The following SRBD1 variants were observed in gnomAD, a reference collection of about 807,000 sequenced individuals.
SRBD1 encodes S1 RNA binding domain 1.
Under a neutral mutation model 115.3 loss-of-function variants are expected in SRBD1, and 88 were observed. That is an observed-to-expected ratio of 0.76 (90% CI 0.64 to 0.91). The LOEUF is 0.91. Among genes scored for constraint, SRBD1 ranks in the 40% least tolerant of loss-of-function variants. The probability of loss-of-function intolerance (pLI) is 0.00; values close to 1 mark genes in which losing one functional copy is unlikely to be tolerated. For synonymous variants in SRBD1, 509 were observed against 407.7 expected, an observed-to-expected ratio of 1.25 and a Z score of -2.99; for missense variants, 1,385 against 1,177.4, an observed-to-expected ratio of 1.18 and a Z score of -2.58.
At chr2:45,596,334 A>G (rs1465686484) in intron 4 of SRBD1, among the ~76,000 whole-genome samples, 1 of 152,158 alleles carries the variant, frequency 6.6e-6, no homozygotes, top group Non-Finnish European at 1.5e-5. Context: ...TTTAGCTGCT[A>G]TTTTAGTGAC....
At chr2:45,494,077 A>G in intron 14 of SRBD1, among the ~76,000 whole-genome samples, 1 of 111,716 alleles carries the variant, frequency 9.0e-6, no homozygotes, top group East Asian at 2.3e-4. Flanking sequence ...AACAAAGTGG[A>G]AAAAAATGCC....
At chr2:45,546,007 TG>T (rs1237963027) in intron 14 of SRBD1, 1 of 288,396 alleles carries the variant, frequency 3.5e-6, no homozygotes, top group Non-Finnish European at 5.2e-6. Context: ...AGATAGCTCT[TG>T]ATCACTTTCT....
At chr2:45,610,218 T>A (rs1013982785) in intron 1 of SRBD1, among the ~76,000 whole-genome samples, 1 of 152,110 alleles carries the variant, frequency 6.6e-6, no homozygotes, top group Non-Finnish European at 1.5e-5. Flanking sequence ...CTAGGACGAC[T>A]GCAAATCAGG....
intron 5 of SRBD1, 87 bp downstream of exon 5, chr2:45,585,521 T>C: frequency 7.1e-7 from 1 of 1,404,528 alleles, no homozygotes; most frequent in Middle Eastern, 1.8e-4. Flanking sequence ...ATGTTGAAAT[T>C]GTCAAATATA....
chr2:45,410,036 T>C (rs970500947), intron 19 of SRBD1, among the ~76,000 whole-genome samples: 3 of 152,152 alleles, frequency 2.0e-5, no homozygotes, highest in African/African-American at 7.2e-5. Context: ...CAGAATATAT[T>C]AAAACCCCCA....
intron 16 of SRBD1, among the ~76,000 whole-genome samples, chr2:45,434,370 G>A (rs1235024938): frequency 6.6e-6 from 1 of 152,134 alleles, no homozygotes; most frequent in Non-Finnish European, 1.5e-5. Flanking sequence ...AAGACACTGT[G>A]TAACCCCTGG....
intron 16 of SRBD1, among the ~76,000 whole-genome samples, chr2:45,439,379 A>ATG (rs567313199): frequency 1.4e-5 from 2 of 147,734 alleles, no homozygotes; most frequent in Admixed American, 6.8e-5. Flanking sequence ...ATATATATAT[A>ATG]AAACAATTGA....
In SRBD1 at chr2:45,448,069, GTCC is replaced by G. The variant is rs543401982; in HGVS notation, c.2050-28178_2050-28176del. 9.9e-5 allele frequency: 15 copies of G among 152,266 alleles called. No homozygotes were observed. The East Asian group carries it at 2.9e-3, about 29-fold the overall frequency. The allele number at this position is 152,266 out of a possible 1,614,324, so 9.4% of individuals were successfully genotyped here. ...AAACAGGAAAAGCAATTGTTACTGA[GTCC>G]TCTCTTCAATAAGATAAGATTATTA... is the stretch of plus-strand genomic sequence containing the variant. On this transcript the variant is annotated intron_variant, in intron 16 of 20. Coordinates refer to ENST00000263736, the MANE Select transcript of SRBD1 (RefSeq NM_018079.5).
intron 16 of SRBD1, among the ~76,000 whole-genome samples, chr2:45,442,318 T>C (rs1284394796): frequency 1.3e-5 from 2 of 152,200 alleles, no homozygotes; most frequent in East Asian, 3.8e-4. Context: ...ACACATACCT[T>C]GATGCAATTA....
chr2:45,397,662 G>A (rs1667184502), intron 19 of SRBD1, among the ~76,000 whole-genome samples: 1 of 152,182 alleles, frequency 6.6e-6, no homozygotes, highest in South Asian at 2.1e-4. Context: ...CTGTAGCAGT[G>A]GTGCAATCAC....
At chr2:45,440,520 T>A (rs756233134) in intron 16 of SRBD1, among the ~76,000 whole-genome samples, 1 of 152,308 alleles carries the variant, frequency 6.6e-6, no homozygotes, top group South Asian at 2.1e-4. Context: ...TCTGCCCCCA[T>A]GTGTGGTCAC....
chr2:45,542,730 T>G (rs1294625133), intron 14 of SRBD1, among the ~76,000 whole-genome samples: 1 of 152,200 alleles, frequency 6.6e-6, no homozygotes, highest in African/African-American at 2.4e-5. Context: ...ACAGCATATA[T>G]CCATACAGAC....
intron 16 of SRBD1, among the ~76,000 whole-genome samples, chr2:45,460,414 AACC>A (rs1669277878): frequency 6.6e-6 from 1 of 152,152 alleles, no homozygotes; most frequent in African/African-American, 2.4e-5. Flanking sequence ...CTAGGGAACA[AACC>A]ACCTCTTCAA....
intron 10 of SRBD1, among the ~76,000 whole-genome samples, chr2:45,556,582 C>A (rs1299103588): frequency 6.6e-6 from 1 of 150,802 alleles, no homozygotes; most frequent in Non-Finnish European, 1.5e-5. Context: ...CCTGCCTCAG[C>A]CTCCCGAGTA....
At position 45,419,808 on chromosome 2, in the gene SRBD1, G is replaced by C. The variant is rs758102792; in HGVS notation, c.2136C>G (p.Ile712Met). Residue 712 changes from isoleucine to methionine, a missense_variant, in exon 17 of 21, where the codon ATC becomes ATG. By Grantham distance (10) the Ile-to-Met change is conservative (BLOSUM62 1). Transcript: ENST00000263736. ...CTCACCTTAACAAAACTTCTGAACA[G>C]ATGTTAATATCCACTCCCACAAAGC... ...CVSFVGVDIN[I>M]CSEVLLRHIA... is the part of the protein sequence containing the mutation. 7 of 1,613,738 alleles carry C rather than the reference G, an allele frequency of 4.3e-6. No homozygotes were observed. Among genetic ancestry groups the C allele is most frequent in the Non-Finnish European group, 5.1e-6 (6 of 1,179,798 alleles).
At chr2:45,560,179 G>A (rs1198260853) in intron 10 of SRBD1, among the ~76,000 whole-genome samples, 2 of 152,008 alleles carry the variant, frequency 1.3e-5, no homozygotes, top group African/African-American at 4.8e-5. Flanking sequence ...TACATTGTAG[G>A]CTAAATAATA....
intron 14 of SRBD1, among the ~76,000 whole-genome samples, chr2:45,539,084 G>A (rs1224886806): frequency 6.6e-6 from 1 of 151,756 alleles, no homozygotes; most frequent in African/African-American, 2.4e-5. Flanking sequence ...TCTTACTTTG[G>A]TGTCGGAAAA....
chr2:45,519,337 C>T (rs779437792), intron 14 of SRBD1, among the ~76,000 whole-genome samples: 6 of 152,108 alleles, frequency 3.9e-5, no homozygotes, highest in Non-Finnish European at 7.4e-5. Flanking sequence ...CACCTCACTT[C>T]AGACCCACAC....
At chr2:45,500,279 CTGTGTGTGTGTGTG>C (rs139961270) in intron 14 of SRBD1, among the ~76,000 whole-genome samples, 2 of 143,356 alleles carry the variant, frequency 1.4e-5, no homozygotes, top group African/African-American at 5.1e-5. Flanking sequence ...GTGCATGTCT[CTGTGTGTGTGTGTG>C]TGTGTGTATG....
Sources: gnomAD v4.1 joint callset for allele counts (sites outside exome capture counted in the v4.1 genomes callset) on GRCh38, gnomAD v4.1.1 for gene constraint, MANE v1.5 for transcripts, NCBI Gene and HGNC (gene_info 2026-07-23, HGNC 2026-07-21) for gene names.